CRISPLD1: variants seen among roughly 807,000 people sequenced by gnomAD.
CRISPLD1 encodes the protein cysteine-rich secretory protein LCCL domain-containing 1.
In CRISPLD1, 60 loss-of-function variants were observed where a neutral mutation model predicts 77.5. That is an observed-to-expected ratio of 0.77 (90% CI 0.63 to 0.96). The LOEUF (loss-of-function observed/expected upper bound fraction) is 0.96. CRISPLD1 is among the 40% of genes least tolerant of loss of function. The probability of loss-of-function intolerance (pLI) is 0.00; values close to 1 mark genes in which losing one functional copy is unlikely to be tolerated. For missense variants in CRISPLD1, 623 were observed against 615.8 expected, an observed-to-expected ratio of 1.01 and a Z score of -0.12; for synonymous variants, 195 against 200.1, an observed-to-expected ratio of 0.97 and a Z score of 0.22.
At position 75,001,247 on chromosome 8, in the gene CRISPLD1, A is replaced by G. The variant is rs146678788; in HGVS notation, c.259-11186A>G. On this transcript the variant is annotated intron_variant, in intron 2 of 14. Coordinates refer to ENST00000262207, the MANE Select transcript of CRISPLD1 (RefSeq NM_031461.6). ...GAATACCTTTTGGCTTAGGGCAAAC[A>G]TTCATTTTGGGTTAGTGCAAACTCA... Among the ~76,000 whole-genome samples, 458 of 152,274 alleles carry G rather than the reference A, an allele frequency of 3.0e-3. 2 individuals are homozygous for G. The highest frequency in any genetic ancestry group is 0.01 in the African/African-American group (417 of 41,560).
At position 74,986,109 on chromosome 8, in the gene CRISPLD1, A is replaced by T. The variant is rs1341461345; in HGVS notation, c.122A>T (p.Asp41Val). ...LLEKLLEKYM[D>V]EDGEWWIAKQ... ...GAGAAACTTTTGGAAAAATACATGGATGAGGATGGTGAGTGGTGGATAGCC... is the reference window on the plus strand; with the variant it reads ...GAGAAACTTTTGGAAAAATACATGGTTGAGGATGGTGAGTGGTGGATAGCC... The change falls in exon 2 of 15, where the codon GAT becomes GTT. Residue 41 changes from aspartate (D) to valine (V), a missense_variant. By Grantham distance (152) the Asp-to-Val change is radical. Coordinates refer to ENST00000262207, the MANE Select transcript of CRISPLD1 (RefSeq NM_031461.6). 5.6e-6 allele frequency: 9 copies of T among 1,614,006 alleles called. No individual in the cohort carries two copies. The highest frequency in any genetic ancestry group is 2.7e-5 in the African/African-American group (2 of 74,880).
intron 6 of CRISPLD1, among the ~76,000 whole-genome samples, chr8:75,016,268 G>T (rs2128786081): frequency 6.7e-6 from 1 of 148,732 alleles, no homozygotes; most frequent in South Asian, 2.2e-4. Flanking sequence ...ATTTCATGGT[G>T]TCATTATGAA....
At chr8:74,998,313 C>T (rs1587007402) in intron 2 of CRISPLD1, among the ~76,000 whole-genome samples, 2 of 152,044 alleles carry the variant, frequency 1.3e-5, no homozygotes, top group East Asian at 1.9e-4. Context: ...GGAGAAATTG[C>T]CTTAAGGATA....
chr8:75,008,411 T>C (rs1812871739), intron 2 of CRISPLD1, among the ~76,000 whole-genome samples: 2 of 152,094 alleles, frequency 1.3e-5, no homozygotes, highest in African/African-American at 4.8e-5. Flanking sequence ...CTTAATGGGG[T>C]GGGTAGAACT....
At chr8:74,994,744 A>G (rs1812621938) in intron 2 of CRISPLD1, among the ~76,000 whole-genome samples, 1 of 152,194 alleles carries the variant, frequency 6.6e-6, no homozygotes, top group African/African-American at 2.4e-5. Flanking sequence ...AGCAATCATT[A>G]TTAATTGCAC....
chr8:75,029,287 C>A, intron 13 of CRISPLD1, 100 bp from the exon 14 acceptor site: 4 of 1,199,786 alleles, frequency 3.3e-6, no homozygotes, highest in Non-Finnish European at 4.6e-6. Context: ...TCCATGACAT[C>A]AGGATGTCAG....
At chr8:74,987,650 G>A (rs1587002410) in intron 2 of CRISPLD1, among the ~76,000 whole-genome samples, 1 of 152,154 alleles carries the variant, frequency 6.6e-6, no homozygotes, top group Non-Finnish European at 1.5e-5. Flanking sequence ...TTCTTGTATA[G>A]TGTTTGTCTA....
At chr8:75,007,380 G>T (rs943938433) in intron 2 of CRISPLD1, among the ~76,000 whole-genome samples, 2 of 152,068 alleles carry the variant, frequency 1.3e-5, no homozygotes, top group African/African-American at 4.8e-5. Context: ...TTACATTCTT[G>T]AATGATTTCC....
chr8:75,008,558 G>C (rs1812874933), intron 2 of CRISPLD1, among the ~76,000 whole-genome samples: 1 of 152,038 alleles, frequency 6.6e-6, no homozygotes, highest in South Asian at 2.1e-4. Context: ...GACCTAAACA[G>C]GTATGCTTTA....
intron 1 of CRISPLD1, among the ~76,000 whole-genome samples, chr8:74,985,457 G>A (rs1341745847): frequency 6.6e-6 from 1 of 152,160 alleles, no homozygotes; most frequent in African/African-American, 2.4e-5. Context: ...CATTCTGAGT[G>A]TGAAACAGAG....
chr8:75,028,013 CT>C (rs1417089878), intron 13 of CRISPLD1, among the ~76,000 whole-genome samples: 2 of 152,102 alleles, frequency 1.3e-5, no homozygotes, highest in African/African-American at 4.8e-5. Flanking sequence ...ATATTAAATA[CT>C]TGGACTTAGT....
At chr8:75,019,977 C>T (rs1208893142) in intron 11 of CRISPLD1, 30 bp from the exon 12 acceptor site, 1 of 1,612,016 alleles carries the variant, frequency 6.2e-7, no homozygotes, top group African/African-American at 1.3e-5. Flanking sequence ...TCAAAGGATT[C>T]ACTCATTGTT....
intron 2 of CRISPLD1, among the ~76,000 whole-genome samples, chr8:74,998,053 G>T (rs958499558): frequency 6.6e-6 from 1 of 152,176 alleles, no homozygotes; most frequent in Non-Finnish European, 1.5e-5. Context: ...TTTGCAGGTT[G>T]CTGGGAATAA....
Position 75,029,517 on chromosome 8 carries a change from G to C in CRISPLD1, c.1451G>C (p.Ser484Thr), listed in dbSNP as rs1203477679. The C allele has an allele frequency of 6.2e-7, 1 of 1,612,514 alleles. No homozygotes were observed. ...ASFQNGIFSESLQNPPGGKAF... is the reference protein window; with the variant it reads ...ASFQNGIFSETLQNPPGGKAF... ...TTTCAGAATGGAATCTTCTCAGAAA[G>C]GTAAAAACAAAACATATGTATGTAT... The change falls in exon 14 of 15, where the codon AGT becomes ACT. Residue 484 changes from serine (S) to threonine (T), a missense_variant and splice_region_variant. Coordinates refer to ENST00000262207, the MANE Select transcript of CRISPLD1 (RefSeq NM_031461.6).
Position 75,025,630 on chromosome 8 carries a change from C to T in CRISPLD1, c.1320+9C>T. ...CTCGAGTTTATTCTGATGTAAGTAT[C>T]CTAATTTATACAGCTGTCAACATTC... is the stretch of plus-strand genomic sequence containing the variant. On this transcript the variant is annotated intron_variant, in intron 13 of 14. Coordinates refer to ENST00000262207, the MANE Select transcript of CRISPLD1 (RefSeq NM_031461.6). 1 of 1,451,868 alleles carries T rather than the reference C, an allele frequency of 6.9e-7. No homozygotes were observed. The allele number at this position is 1,451,868 out of a possible 1,614,324, so 89.9% of individuals were successfully genotyped here.
chr8:75,021,822 C>G (rs1587026015), intron 12 of CRISPLD1, among the ~76,000 whole-genome samples: 1 of 152,052 alleles, frequency 6.6e-6, no homozygotes, highest in East Asian at 1.9e-4. Flanking sequence ...GTGAAAAAAA[C>G]CCAGGAACTT....
intron 2 of CRISPLD1, among the ~76,000 whole-genome samples, chr8:74,992,049 G>C (rs1032717916): frequency 6.6e-6 from 1 of 152,122 alleles, no homozygotes; most frequent in African/African-American, 2.4e-5. Flanking sequence ...ACTAAGCTTG[G>C]TGAATAGAAG....
In CRISPLD1 at chr8:74,986,055, C is replaced by T. The variant is rs1242750757; in HGVS notation, c.68C>T (p.Ala23Val). ...TVLFMARAIP[A>V]MVVPNATLLE... is the part of the protein sequence containing the mutation. ...CTGTTCATGGCTAGAGCAATTCCAG[C>T]CATGGTGGTTCCCAATGCCACTTTA... is the stretch of plus-strand genomic sequence containing the variant. The change falls in exon 2 of 15, where the codon GCC becomes GTC. Residue 23 changes from alanine to valine, a missense_variant. Ala to Val is a moderately conservative substitution (Grantham distance 64). Coordinates refer to ENST00000262207, the MANE Select transcript of CRISPLD1 (RefSeq NM_031461.6). 16 of 1,614,070 alleles carry T rather than the reference C, an allele frequency of 9.9e-6. No individual in the cohort carries two copies. Among genetic ancestry groups the T allele is most frequent in the Non-Finnish European group, 1.2e-5 (14 of 1,180,012 alleles).
At chr8:74,987,950 G>T (rs916524797) in intron 2 of CRISPLD1, among the ~76,000 whole-genome samples, 1 of 152,126 alleles carries the variant, frequency 6.6e-6, no homozygotes, top group Non-Finnish European at 1.5e-5. Context: ...ATGATGTCTG[G>T]TCTGGGATGT....
Sources: gnomAD v4.1 joint callset for allele counts (sites outside exome capture counted in the v4.1 genomes callset) on GRCh38, gnomAD v4.1.1 for gene constraint, MANE v1.5 for transcripts, NCBI Gene and HGNC (gene_info 2026-07-23, HGNC 2026-07-21) for gene names.